Variants in S100Z observed in about 807,000 individuals in gnomAD.
S100Z encodes S100 calcium binding protein Z.
In S100Z, 11 loss-of-function variants were observed where a neutral mutation model predicts 8.5. The ratio of observed to expected loss-of-function variants is 1.30; its 90% CI spans 0.82 to 2.15. The LOEUF is 2.15. Ranked by LOEUF, S100Z falls within the 30% of genes most tolerant of loss-of-function variation. The pLI is 0.00. For missense variants in S100Z, 126 were observed against 117.9 expected (o/e 1.07, Z -0.32); for synonymous variants, 34 against 43.8 (o/e 0.78, Z 0.89).
intron 4 of S100Z, among the ~76,000 whole-genome samples, chr5:76,907,003 T>TACACATATAC (rs1561247562): frequency 1.3e-4 from 2 of 15,792 alleles, no homozygotes; most frequent in African/African-American, 5.4e-4. Flanking sequence ...TATATATATA[T>TACACATATAC]ATATATATAT....
At chr5:76,861,324 A>C (rs1751048865) in intron 1 of S100Z, among the ~76,000 whole-genome samples, 1 of 147,642 alleles carries the variant, frequency 6.8e-6, no homozygotes, top group South Asian at 2.3e-4. Context: ...ATTCAAGAGG[A>C]AGCGAGGCAA....
intron 1 of S100Z, among the ~76,000 whole-genome samples, chr5:76,863,697 C>G (rs1030410401): frequency 2.6e-5 from 4 of 151,988 alleles, no homozygotes; most frequent in Admixed American, 1.3e-4. Flanking sequence ...CGCCACCACA[C>G]CCAGCTAATT....
At chr5:76,885,004 C>T (rs1033974215) in intron 4 of S100Z, among the ~76,000 whole-genome samples, 2 of 152,222 alleles carry the variant, frequency 1.3e-5, no homozygotes, top group South Asian at 4.1e-4. Flanking sequence ...GCACCTCAGA[C>T]CATTTGCCCA....
At chr5:76,908,494 A>G (rs750071609) in intron 4 of S100Z, among the ~76,000 whole-genome samples, 2 of 152,156 alleles carry the variant, frequency 1.3e-5, no homozygotes, top group Admixed American at 6.5e-5. Context: ...TTCTCCTATG[A>G]GAATGATTTC....
intron 4 of S100Z, among the ~76,000 whole-genome samples, chr5:76,897,951 T>C (rs187528457): frequency 6.6e-6 from 1 of 152,306 alleles, no homozygotes; most frequent in East Asian, 1.9e-4. Context: ...AACTTCTTTC[T>C]TTCCAATTTG....
intron 1 of S100Z, among the ~76,000 whole-genome samples, chr5:76,859,607 C>T (rs1352304659): frequency 6.6e-6 from 1 of 151,460 alleles, no homozygotes; most frequent in African/African-American, 2.4e-5. Flanking sequence ...ATGATGAAAC[C>T]CCATCTCTAC....
At chr5:76,857,690 G>T (rs960394181) in intron 1 of S100Z, among the ~76,000 whole-genome samples, 1 of 152,000 alleles carries the variant, frequency 6.6e-6, no homozygotes, top group African/African-American at 2.4e-5. Context: ...TAGGAGAGAC[G>T]GGGTTTTGCC....
chr5:76,859,823 G>C (rs569930290), intron 1 of S100Z, among the ~76,000 whole-genome samples: 2 of 147,190 alleles, frequency 1.4e-5, no homozygotes, highest in South Asian at 4.6e-4. Context: ...ACAGGGAGGC[G>C]AACTCCCAAC....
intron 2 of S100Z, among the ~76,000 whole-genome samples, chr5:76,873,046 A>G (rs1293743506): frequency 6.6e-6 from 1 of 152,160 alleles, no homozygotes; most frequent in Non-Finnish European, 1.5e-5. Context: ...AGTAGGTGCT[A>G]TGGTCATCCC....
At chr5:76,911,357 G>A (rs1744651580) in intron 4 of S100Z, among the ~76,000 whole-genome samples, 1 of 152,166 alleles carries the variant, frequency 6.6e-6, no homozygotes, top group Non-Finnish European at 1.5e-5. Flanking sequence ...TCTATATCCA[G>A]TTGTACCCAA....
At chr5:76,930,319 G>T in the S100Z span, among the ~76,000 whole-genome samples, 2,259 of 152,278 alleles carry the variant, frequency 0.015, 59 homozygotes, top group African/African-American at 0.051. Context: ...TCAGGCGTGG[G>T]CAGGTCTGGC....
intron 4 of S100Z, among the ~76,000 whole-genome samples, chr5:76,884,268 G>A (rs1310884138): frequency 7.2e-5 from 11 of 152,144 alleles, no homozygotes; most frequent in Admixed American, 7.2e-4. Context: ...AGCTTTGTAA[G>A]CTGCCTTTTT....
intron 4 of S100Z, among the ~76,000 whole-genome samples, chr5:76,912,335 G>T (rs1744694728): frequency 6.6e-6 from 1 of 152,176 alleles, no homozygotes; most frequent in African/African-American, 2.4e-5. Context: ...ACAAATTATA[G>T]TCCAGACTTA....
intron 3 of S100Z, among the ~76,000 whole-genome samples, chr5:76,875,884 C>A (rs1337738258): frequency 6.6e-6 from 1 of 152,080 alleles, no homozygotes; most frequent in African/African-American, 2.4e-5. Flanking sequence ...TGAAGGGGTA[C>A]TTTACCTTCA....
At chr5:76,892,285 T>C (rs73764769) in intron 4 of S100Z, among the ~76,000 whole-genome samples, 7,369 of 152,158 alleles carry the variant, frequency 0.048, 506 homozygotes, top group African/African-American at 0.13. Flanking sequence ...ATGGTATGGT[T>C]GTAGACCATC....
At chr5:76,948,768 C>G in the S100Z span, 1 of 152,112 alleles carries the variant, frequency 6.6e-6, no homozygotes, top group Non-Finnish European at 1.5e-5. Flanking sequence ...TATGGACTTT[C>G]CTCAAAAAAT....
chr5:76,891,650 A>G lies in S100Z; in HGVS notation c.*2+13816A>G, dbSNP rs904200560. Among the ~76,000 whole-genome samples, 4 of 152,286 alleles carry G rather than the reference A, an allele frequency of 2.6e-5. No homozygotes were observed. The East Asian group carries it at 7.7e-4, about 29-fold the overall frequency. On this transcript the variant is annotated intron_variant, in intron 4 of 4. Coordinates refer to ENST00000317593, the MANE Select transcript of S100Z (RefSeq NM_130772.4). ...CTAGGATGAAGAGGAAGGGGTTTGAATGGAAGTATGGAGGAGTCGTTTGGA... is the reference window on the plus strand; with the variant it reads ...CTAGGATGAAGAGGAAGGGGTTTGAGTGGAAGTATGGAGGAGTCGTTTGGA...
At chr5:76,904,906 C>G (rs1744373883) in intron 4 of S100Z, among the ~76,000 whole-genome samples, 1 of 151,256 alleles carries the variant, frequency 6.6e-6, no homozygotes, top group African/African-American at 2.5e-5. Context: ...TTGAAAAAGT[C>G]AAATTTATCA....
chr5:76,855,485 G>T (rs896920518), intron 1 of S100Z, among the ~76,000 whole-genome samples: 3 of 152,334 alleles, frequency 2.0e-5, no homozygotes, highest in Middle Eastern at 3.4e-3. Flanking sequence ...GAAGTCAAAA[G>T]AGATTATTTT....
Sources: allele counts gnomAD v4.1 joint callset (sites outside exome capture counted in the v4.1 genomes callset), GRCh38; gene constraint gnomAD v4.1.1; transcripts MANE v1.5; gene names NCBI Gene and HGNC (gene_info 2026-07-23, HGNC 2026-07-21).